CMIP: variants seen among roughly 807,000 people sequenced by gnomAD.
CMIP encodes the protein c-Maf inducing protein.
A neutral mutation model predicts 97.3 loss-of-function variants in CMIP; 13 were observed. That is an observed-to-expected ratio of 0.13 (90% confidence interval 0.09 to 0.21). The LOEUF is 0.21. Among genes scored for constraint, CMIP ranks in the 10% least tolerant of loss-of-function variants. CMIP has a pLI of 1.00. For synonymous variants in CMIP, 538 were observed against 436.3 expected (o/e 1.23, Z -2.91); for missense variants, 847 against 1,024.9 (o/e 0.83, Z 2.37).
intron 3 of CMIP, among the ~76,000 whole-genome samples, chr16:81,629,808 C>T (rs752165564): frequency 1.5e-4 from 23 of 152,244 alleles, no homozygotes; most frequent in Non-Finnish European, 2.5e-4. Flanking sequence ...AGGCTGGGGC[C>T]ATTTACCAAA....
In CMIP at chr16:81,607,755, C is replaced by T. The variant is rs923703396; in HGVS notation, c.426+63C>T. On this transcript the variant is annotated intron_variant, in intron 2 of 20. Coordinates refer to ENST00000537098, the MANE Select transcript of CMIP (RefSeq NM_198390.3). ...CTCATCTTCATGCACTTGTGCCCCT[C>T]GTTTCCCTTGGAGGGAGCCAGCAGC... 29 of 1,572,000 alleles carry T rather than the reference C, an allele frequency of 1.8e-5. No homozygotes were observed. The South Asian group carries it at 2.4e-4, about 13-fold the overall frequency.
chr16:81,583,865 T>C (rs908280927), intron 1 of CMIP, among the ~76,000 whole-genome samples: 1 of 152,146 alleles, frequency 6.6e-6, no homozygotes, highest in Non-Finnish European at 1.5e-5. Context: ...AACAACACAT[T>C]TGAGTTGTGT....
chr16:81,643,303 A>T (rs2092327842), intron 3 of CMIP, among the ~76,000 whole-genome samples: 1 of 152,218 alleles, frequency 6.6e-6, no homozygotes, highest in African/African-American at 2.4e-5. Flanking sequence ...GTATGATTCC[A>T]TTTATATGCA....
chr16:81,568,977 C>T (rs1484586895), intron 1 of CMIP, among the ~76,000 whole-genome samples: 1 of 152,208 alleles, frequency 6.6e-6, no homozygotes, highest in Non-Finnish European at 1.5e-5. Context: ...GAAAAACTGT[C>T]AGCTTCTCAA....
intron 1 of CMIP, among the ~76,000 whole-genome samples, chr16:81,574,359 G>A (rs2091152085): frequency 6.6e-6 from 1 of 152,246 alleles, no homozygotes; most frequent in Non-Finnish European, 1.5e-5. Context: ...ACAGCCCCAG[G>A]AGTCCTGCTG....
intron 1 of CMIP, chr16:81,518,734 A>G (rs1451452595): frequency 1.3e-5 from 2 of 152,226 alleles, no homozygotes; most frequent in African/African-American, 4.8e-5. Context: ...GGCCAGGTTC[A>G]TGCCTGTAAT....
Position 81,445,408 on chromosome 16 carries a change from A to G in CMIP, c.167A>G (p.Gln56Arg), listed in dbSNP as rs893387846. The change falls in exon 1 of 21, where the codon CAG becomes CGG. Residue 56 changes from glutamine (Q) to arginine (R), a missense_variant. Physicochemically the swap from Gln to Arg is conservative, Grantham distance 43 (BLOSUM62 1). This residue lies in a region of CMIP where 94 missense variants were observed against 79.9 expected (regional missense o/e 1.18). Coordinates refer to ENST00000537098, the MANE Select transcript of CMIP (RefSeq NM_198390.3). ...AACGGGATGAGGTACAAACTGCTGC[A>G]GGAGGGCGACATTCAGGTCTGTGTC... ...LCNGMRYKLLQEGDIQVCVIR... is the reference protein window; with the variant it reads ...LCNGMRYKLLREGDIQVCVIR... The G allele has an allele frequency of 6.2e-7, 1 of 1,601,962 alleles. No individual in the cohort carries two copies. Among genetic ancestry groups the G allele is most frequent in the Non-Finnish European group, 8.5e-7 (1 of 1,174,576 alleles).
intron 1 of CMIP, 53 bp downstream of exon 1, chr16:81,445,594 G>A (rs1445032883): frequency 2.0e-6 from 3 of 1,504,854 alleles, no homozygotes; most frequent in Non-Finnish European, 2.7e-6. Context: ...CCCGAGATGC[G>A]CCCTCCCTGG....
At chr16:81,607,522 T>C (rs1443807751) in intron 1 of CMIP, 45 bp from the exon 2 acceptor site, 5 of 1,603,474 alleles carry the variant, frequency 3.1e-6, no homozygotes, top group South Asian at 1.1e-5. Flanking sequence ...TCATGCCTGC[T>C]ACTGTAACCA....
chr16:81,495,528 C>T, intron 1 of CMIP: 1 of 1,608,840 alleles, frequency 6.2e-7, no homozygotes, highest in Non-Finnish European at 8.5e-7. Flanking sequence ...CTCTGTCCAG[C>T]TTGATGTCTG....
intron 15 of CMIP, among the ~76,000 whole-genome samples, 167 bp downstream of exon 15, chr16:81,699,968 A>G (rs149406602): frequency 6.6e-6 from 1 of 152,258 alleles, no homozygotes; most frequent in African/African-American, 2.4e-5. Flanking sequence ...AGCCTTCATC[A>G]TGCAGTGTAT....
chr16:81,663,673 C>G (rs556578322), intron 6 of CMIP, among the ~76,000 whole-genome samples: 1 of 152,284 alleles, frequency 6.6e-6, no homozygotes, highest in African/African-American at 2.4e-5. Context: ...TCCATTGTAA[C>G]AAATATCCCA....
At chr16:81,503,714 G>A (rs2089653944) in intron 1 of CMIP, among the ~76,000 whole-genome samples, 2 of 152,346 alleles carry the variant, frequency 1.3e-5, no homozygotes, top group Middle Eastern at 3.4e-3. Flanking sequence ...CCATTGAGGT[G>A]CCAGTCTGGT....
chr16:81,709,326 A>G (rs1027669132), intron 20 of CMIP, among the ~76,000 whole-genome samples: 10 of 152,124 alleles, frequency 6.6e-5, no homozygotes, highest in African/African-American at 2.2e-4. Flanking sequence ...GGCTTTCTAC[A>G]TTTGGTATTT....
At position 81,652,134 on chromosome 16, in the gene CMIP, G is replaced by A; in HGVS notation, c.478-69G>A. On this transcript the variant is annotated intron_variant, in intron 3 of 20. Transcript: ENST00000537098. This position sits in a 1 kb window ranked among gnomAD's most constrained non-coding sequence, Gnocchi z 5.2. ...TACACCCTAACCCATCTGATTCTTT[G>A]ATTGTCTTCCATCTTCTGCCTTCCT... 4 of 1,311,194 alleles carry A rather than the reference G, an allele frequency of 3.1e-6. No individual in the cohort carries two copies. Among genetic ancestry groups the A allele is most frequent in the South Asian group, 1.3e-5 (1 of 79,444 alleles). 81.2% of individuals were successfully genotyped at this position (1,311,194 alleles called of 1,614,324 possible).
Position 81,463,699 on chromosome 16 carries a change from G to A in CMIP, c.300+18158G>A, listed in dbSNP as rs73588553. ...AGCCCCCTGGGTGGGCAGTGTCCCC[G>A]TGTTACAAGAGAGGGGACAGGTACC... On this transcript the variant is annotated intron_variant, in intron 1 of 20. Transcript: ENST00000537098. 2.9e-3 allele frequency among the ~76,000 whole-genome samples: 448 copies of A among 152,312 alleles called. 2 individuals are homozygous for A. The highest frequency in any genetic ancestry group is 0.01 in the African/African-American group (429 of 41,572).
Position 81,627,470 on chromosome 16 carries a change from G to A in CMIP, c.477+6544G>A, listed in dbSNP as rs910082390. On this transcript the variant is annotated intron_variant, in intron 3 of 20. Coordinates refer to ENST00000537098, the MANE Select transcript of CMIP (RefSeq NM_198390.3). The surrounding 1 kb of genome is among the most constrained non-coding windows in gnomAD (Gnocchi z 4.6). Reference sequence around the variant, plus strand: ...TGTCTCCAAGTGGGTCCGACATGGTGGGAGCAGCTGGCTCGGCCTGTCTCC... The same window carrying A: ...TGTCTCCAAGTGGGTCCGACATGGTAGGAGCAGCTGGCTCGGCCTGTCTCC... Among the ~76,000 whole-genome samples, 33 of 152,160 alleles carry A rather than the reference G, an allele frequency of 2.2e-4. No homozygotes were observed. The highest frequency in any genetic ancestry group is 3.4e-3 in the Middle Eastern group (1 of 294).
intron 9 of CMIP, among the ~76,000 whole-genome samples, chr16:81,675,858 C>T (rs1260977746): frequency 6.6e-6 from 1 of 152,188 alleles, no homozygotes; most frequent in Non-Finnish European, 1.5e-5. Flanking sequence ...TTCAGCAGGT[C>T]TGGGGCGGGG....
chr16:81,674,959 A>G (rs1051765301), intron 9 of CMIP, among the ~76,000 whole-genome samples: 8 of 151,326 alleles, frequency 5.3e-5, no homozygotes, highest in Admixed American at 2.0e-4. Context: ...ATGTCAATTT[A>G]AAAAAAGAAA....
Sources: gnomAD v4.1 joint callset for allele counts (sites outside exome capture counted in the v4.1 genomes callset) on GRCh38, gnomAD v4.1.1 for gene constraint, gnomAD v4.1.1 regional missense constraint, Gnocchi (gnomAD v3.1) non-coding constraint, MANE v1.5 for transcripts, NCBI Gene and HGNC (gene_info 2026-07-23, HGNC 2026-07-21) for gene names.